Variants in RANBP2 observed in about 807,000 individuals in gnomAD.
RANBP2 encodes E3 SUMO-protein ligase RanBP2.
In RANBP2, 57 loss-of-function variants were observed where a neutral mutation model predicts 303.6. The ratio of observed to expected loss-of-function variants is 0.19; its 90% CI spans 0.15 to 0.23. RANBP2 has a LOEUF of 0.23. Ranked by LOEUF, RANBP2 falls within the 10% of genes least tolerant of loss-of-function variation. The pLI is 1.00. For synonymous variants in RANBP2, 1,167 were observed against 1,301.5 expected (o/e 0.90, Z 2.23); for missense variants, 3,138 against 3,780.8 (o/e 0.83, Z 4.46).
At chr2:109,071,866 C>CTCTAAACA in the RANBP2 span, among the ~76,000 whole-genome samples, 1 of 152,044 alleles carries the variant, frequency 6.6e-6, no homozygotes, top group East Asian at 1.9e-4. Context: ...CAGGAACATG[C>CTCTAAACA]CAGCATTTAG....
the RANBP2 span, among the ~76,000 whole-genome samples, chr2:109,303,733 A>G: frequency 3.8e-4 from 58 of 152,348 alleles, no homozygotes; most frequent in Admixed American, 1.6e-3. Context: ...CCTGGTTGGC[A>G]TATAAAAAGC....
the RANBP2 span, among the ~76,000 whole-genome samples, chr2:109,476,551 C>G: frequency 6.6e-6 from 1 of 152,220 alleles, no homozygotes; most frequent in South Asian, 2.1e-4. Context: ...CTAAAAGATA[C>G]TGGACTTTCC....
chr2:109,367,183 C>G, the RANBP2 span, among the ~76,000 whole-genome samples: 1 of 146,776 alleles, frequency 6.8e-6, no homozygotes, highest in Non-Finnish European at 1.5e-5. Context: ...AGACTGGTCT[C>G]GAACTCCTGG....
chr2:108,902,393 A>G, the RANBP2 span, among the ~76,000 whole-genome samples: 28 of 152,008 alleles, frequency 1.8e-4, 3 homozygotes, highest in Non-Finnish European at 5.9e-5. Flanking sequence ...AAACAAAACA[A>G]AACAAAAAAA....
the RANBP2 span, among the ~76,000 whole-genome samples, chr2:109,318,607 C>T: frequency 6.6e-6 from 1 of 152,212 alleles, no homozygotes; most frequent in Non-Finnish European, 1.5e-5. Flanking sequence ...AGGGGATCGT[C>T]TCATGCTCAC....
At chr2:108,781,976 T>G in intron 26 of RANBP2, 152 bp from the exon 27 acceptor site, 2 of 806,444 alleles carry the variant, frequency 2.5e-6, no homozygotes, top group East Asian at 5.3e-5. Flanking sequence ...ATCAGATATA[T>G]TCCTAGCCCT....
chr2:109,254,677 AC>A, the RANBP2 span, among the ~76,000 whole-genome samples: 6 of 151,942 alleles, frequency 3.9e-5, no homozygotes, highest in African/African-American at 1.5e-4. Context: ...TCTCAGCTGT[AC>A]CCCCTAATGT....
the RANBP2 span, among the ~76,000 whole-genome samples, chr2:109,581,134 G>A: frequency 6.6e-6 from 1 of 152,322 alleles, no homozygotes; most frequent in African/African-American, 2.4e-5. Flanking sequence ...CATTTTGAAT[G>A]TACACTTAAA....
chr2:108,806,077 T>A, the RANBP2 span, among the ~76,000 whole-genome samples: 9 of 152,346 alleles, frequency 5.9e-5, no homozygotes, highest in East Asian at 1.5e-3. Flanking sequence ...CTCTACTTGT[T>A]GTGATCCTCC....
At chr2:109,077,498 G>A in the RANBP2 span, among the ~76,000 whole-genome samples, 3 of 149,338 alleles carry the variant, frequency 2.0e-5, 1 homozygote, top group Non-Finnish European at 3.0e-5. Flanking sequence ...CACAGGAAAG[G>A]AATGAATCAA....
chr2:109,722,646 C>A, the RANBP2 span, among the ~76,000 whole-genome samples: 2 of 152,188 alleles, frequency 1.3e-5, no homozygotes, highest in Non-Finnish European at 2.9e-5. Context: ...TCACCCTCCC[C>A]ACGACAGGCC....
At chr2:109,101,244 G>A in the RANBP2 span, among the ~76,000 whole-genome samples, 1 of 152,002 alleles carries the variant, frequency 6.6e-6, no homozygotes, top group Non-Finnish European at 1.5e-5. Flanking sequence ...ACCCCATAGT[G>A]GGCCGGGCGT....
the RANBP2 span, among the ~76,000 whole-genome samples, chr2:109,267,623 C>T: frequency 2.6e-4 from 40 of 152,204 alleles, no homozygotes; most frequent in Admixed American, 2.0e-3. Context: ...GAGGGAGGGC[C>T]GGGAGCCAGG....
At chr2:109,704,778 G>C in the RANBP2 span, among the ~76,000 whole-genome samples, 1 of 152,104 alleles carries the variant, frequency 6.6e-6, no homozygotes, top group East Asian at 1.9e-4. Context: ...TTGAACCTGG[G>C]AGGTGGAGGT....
the RANBP2 span, among the ~76,000 whole-genome samples, chr2:109,737,683 A>G: frequency 6.6e-6 from 1 of 152,238 alleles, no homozygotes; most frequent in East Asian, 1.9e-4. Flanking sequence ...ACTAATTTAC[A>G]TATCCACCAA....
chr2:109,268,374 G>A, the RANBP2 span, among the ~76,000 whole-genome samples: 7 of 151,898 alleles, frequency 4.6e-5, no homozygotes, highest in East Asian at 2.0e-4. Context: ...GGGGATGTCC[G>A]TTTCACCCGC....
chr2:108,979,576 C>G, the RANBP2 span, among the ~76,000 whole-genome samples: 1 of 151,982 alleles, frequency 6.6e-6, no homozygotes, highest in Non-Finnish European at 1.5e-5. Context: ...CAGGTGGCGG[C>G]TGGGGACTTG....
the RANBP2 span, among the ~76,000 whole-genome samples, chr2:109,358,139 C>A: frequency 6.6e-6 from 1 of 152,242 alleles, no homozygotes; most frequent in Non-Finnish European, 1.5e-5. Context: ...CGGTTGAAAT[C>A]ATACAATATG....
chr2:108,742,743 C>T (rs1305458200), intron 7 of RANBP2, among the ~76,000 whole-genome samples: 1 of 152,166 alleles, frequency 6.6e-6, no homozygotes, highest in Non-Finnish European at 1.5e-5. Flanking sequence ...GTAATACCAA[C>T]ATTAAAAGGT....
Sources: allele counts gnomAD v4.1 joint callset (sites outside exome capture counted in the v4.1 genomes callset), GRCh38; gene constraint gnomAD v4.1.1; transcripts MANE v1.5; gene names NCBI Gene and HGNC (gene_info 2026-07-23, HGNC 2026-07-21).